Variants in SERPINI1 observed in about 807,000 individuals in gnomAD.
SERPINI1 encodes serpin family I member 1.
A neutral mutation model predicts 41.1 loss-of-function variants in SERPINI1; 19 were observed. The observed-to-expected ratio is 0.46, with a 90% CI of 0.32 to 0.68. The LOEUF (loss-of-function observed/expected upper bound fraction) is 0.68. SERPINI1 is among the 30% of genes least tolerant of loss of function. The pLI is 0.03. For missense variants in SERPINI1, 460 were observed against 479.2 expected (o/e 0.96, Z 0.37); for synonymous variants, 138 against 156.6 (o/e 0.88, Z 0.89).
At chr3:167,793,831 C>CGTGTGTGTGTGTGTGTGT in intron 4 of SERPINI1, among the ~76,000 whole-genome samples, 1 of 110,570 alleles carries the variant, frequency 9.0e-6, no homozygotes, top group East Asian at 2.3e-4. Context: ...TCATTTTGGC[C>CGTGTGTGTGTGTGTGTGT]ATATGTATGT....
intron 6 of SERPINI1, among the ~76,000 whole-genome samples, chr3:167,821,302 C>T (rs1712317723): frequency 6.6e-6 from 1 of 152,204 alleles, no homozygotes; most frequent in Non-Finnish European, 1.5e-5. Flanking sequence ...CGTGGCCCTT[C>T]AGGGAGCCCA....
chr3:167,744,372 T>C (rs1025743490), intron 1 of SERPINI1, among the ~76,000 whole-genome samples: 1 of 151,606 alleles, frequency 6.6e-6, no homozygotes, highest in Non-Finnish European at 1.5e-5. Flanking sequence ...AAGTGAACTA[T>C]AACTTTTTTT....
chr3:167,781,670 G>T (rs1388182153), intron 1 of SERPINI1, among the ~76,000 whole-genome samples: 2 of 139,776 alleles, frequency 1.4e-5, no homozygotes, highest in Non-Finnish European at 3.0e-5. Context: ...ACTGGAGAAA[G>T]GGCCTCCCTC....
chr3:167,790,583 G>C lies in SERPINI1; in HGVS notation c.462G>C (p.Trp154Cys), dbSNP rs1727473660. Residue 154 changes from tryptophan to cysteine, a missense_variant, in exon 3 of 9, where the codon TGG becomes TGC. Physicochemically the swap from Trp to Cys is radical, Grantham distance 215 (BLOSUM62 -2). Coordinates refer to ENST00000446050, the MANE Select transcript of SERPINI1 (RefSeq NM_001122752.2). ...CCGTGGCCAACTACATCAATAAGTG[G>C]GTGGAGAATAACACAAACAGTATGT... ...NVAVANYINK[W>C]VENNTNNLVK... 6.2e-7 allele frequency: 1 copy of C among 1,613,094 alleles called. No individual in the cohort carries two copies. Among genetic ancestry groups the C allele is most frequent in the South Asian group, 1.1e-5 (1 of 91,036 alleles).
chr3:167,793,596 A>ATATATATATATATAT, intron 4 of SERPINI1, among the ~76,000 whole-genome samples: 2 of 140,608 alleles, frequency 1.4e-5, no homozygotes, highest in Admixed American at 1.4e-4. Context: ...ATATATATAT[A>ATATATATATATATAT]TTTTTAATTA....
At chr3:167,799,043 T>C (rs972365102) in intron 5 of SERPINI1, among the ~76,000 whole-genome samples, 5 of 152,170 alleles carry the variant, frequency 3.3e-5, no homozygotes, top group Admixed American at 2.6e-4. Flanking sequence ...ATATATATTT[T>C]TTGAGCTTTC....
intron 6 of SERPINI1, among the ~76,000 whole-genome samples, chr3:167,819,681 A>C (rs751425153): frequency 6.6e-6 from 1 of 152,188 alleles, no homozygotes; most frequent in Non-Finnish European, 1.5e-5. Flanking sequence ...AATGTTGAAA[A>C]TCCTTCCTTA....
chr3:167,762,227 G>A (rs1277095902), intron 1 of SERPINI1, among the ~76,000 whole-genome samples: 2 of 151,864 alleles, frequency 1.3e-5, no homozygotes, highest in East Asian at 1.9e-4. Context: ...TAAGGTCAAT[G>A]CCTCTGCTTG....
chr3:167,764,931 A>C (rs933219353), intron 1 of SERPINI1, among the ~76,000 whole-genome samples: 1 of 152,220 alleles, frequency 6.6e-6, no homozygotes, highest in Non-Finnish European at 1.5e-5. Flanking sequence ...CTTTGACTTC[A>C]TGTTTCACAT....
intron 5 of SERPINI1, among the ~76,000 whole-genome samples, chr3:167,796,295 T>G (rs962528668): frequency 6.6e-6 from 1 of 151,830 alleles, no homozygotes; most frequent in Admixed American, 6.6e-5. Flanking sequence ...TAGCATGTCA[T>G]GTTATATATT....
chr3:167,747,516 C>A (rs529419095), intron 1 of SERPINI1, among the ~76,000 whole-genome samples: 1 of 152,034 alleles, frequency 6.6e-6, no homozygotes, highest in African/African-American at 2.4e-5. Context: ...TGGCAGCGGG[C>A]GCCTGTGGTT....
chr3:167,799,178 G>A (rs1017137082), intron 5 of SERPINI1, among the ~76,000 whole-genome samples: 1 of 151,994 alleles, frequency 6.6e-6, no homozygotes, highest in Admixed American at 6.6e-5. Flanking sequence ...TTCTCCTAAT[G>A]CTGTCCCTCC....
rs1327082509 is a variant in SERPINI1 at position 167,789,631 on chromosome 3, A to G, written c.250+253A>G. On this transcript the variant is annotated intron_variant, in intron 2 of 8. Transcript: ENST00000446050. ...ACATAAACTCCTTGTGATCAAAAAA[A>G]GCAAACATTTTTCTGGAGTTTTCAG... 2.6e-5 allele frequency among the ~76,000 whole-genome samples: 4 copies of G among 152,230 alleles called. 1 individual carries two copies. The highest frequency in any genetic ancestry group is 5.9e-5 in the Non-Finnish European group (4 of 68,042).
chr3:167,788,935 G>A (rs887831444), intron 1 of SERPINI1, among the ~76,000 whole-genome samples, 176 bp from the exon 2 acceptor site: 1 of 152,132 alleles, frequency 6.6e-6, no homozygotes, highest in Admixed American at 6.5e-5. Flanking sequence ...TCTTAACCCC[G>A]TGAAGGTGGG....
At chr3:167,820,417 G>A (rs897780109) in intron 6 of SERPINI1, among the ~76,000 whole-genome samples, 1 of 152,208 alleles carries the variant, frequency 6.6e-6, no homozygotes, top group African/African-American at 2.4e-5. Context: ...CCAGGCCCAG[G>A]AAGCCCCTGC....
intron 5 of SERPINI1, among the ~76,000 whole-genome samples, chr3:167,802,407 A>G (rs1299007971): frequency 1.1e-3 from 167 of 150,266 alleles, no homozygotes; most frequent in African/African-American, 3.8e-3. Flanking sequence ...CAGAATCTAC[A>G]ATGAACTCAA....
At chr3:167,817,491 G>T (rs978966611) in intron 6 of SERPINI1, among the ~76,000 whole-genome samples, 1 of 152,034 alleles carries the variant, frequency 6.6e-6, no homozygotes. Flanking sequence ...TTAATTTCAA[G>T]GATGGAGAAA....
chr3:167,761,814 C>T (rs1177750379), intron 1 of SERPINI1, among the ~76,000 whole-genome samples: 1 of 152,120 alleles, frequency 6.6e-6, no homozygotes, highest in Non-Finnish European at 1.5e-5. Context: ...AATAAATTTG[C>T]AACACAAATG....
intron 6 of SERPINI1, 24 bp downstream of exon 6, chr3:167,807,365 A>T: frequency 1.4e-6 from 2 of 1,395,140 alleles, no homozygotes; most frequent in Non-Finnish European, 1.0e-6. Context: ...ACAAATTTTT[A>T]AAAATGTTAT....
Sources: gnomAD v4.1 joint callset for allele counts (sites outside exome capture counted in the v4.1 genomes callset) on GRCh38, gnomAD v4.1.1 for gene constraint, MANE v1.5 for transcripts, NCBI Gene and HGNC (gene_info 2026-07-23, HGNC 2026-07-21) for gene names.